PLA2G4A: variants seen among roughly 807,000 people sequenced by gnomAD.
PLA2G4A encodes cytosolic phospholipase A2.
A neutral mutation model predicts 81.9 loss-of-function variants in PLA2G4A; 40 were observed. The ratio of observed to expected loss-of-function variants is 0.49; its 90% CI spans 0.38 to 0.64. The LOEUF (loss-of-function observed/expected upper bound fraction) is 0.64. PLA2G4A is among the 30% of genes least tolerant of loss of function. The pLI is 0.00. For synonymous variants in PLA2G4A, 302 were observed against 296.9 expected (o/e 1.02, Z -0.18); for missense variants, 715 against 905.1 (o/e 0.79, Z 2.69).
chr1:186,870,515 G>A lies in PLA2G4A; in HGVS notation c.114G>A (p.Met38Ile). 3.1e-6 allele frequency: 5 copies of A among 1,601,708 alleles called. No homozygotes were observed. The highest frequency in any genetic ancestry group is 2.2e-5 in the East Asian group (1 of 44,800). Residue 38 changes from methionine to isoleucine, a missense_variant and splice_region_variant, in exon 3 of 18, where the codon ATG becomes ATA. Physicochemically the swap from Met to Ile is conservative, Grantham distance 10. Transcript: ENST00000367466. ...TGACAAAGGGGGCCTTTGGTGACAT[G>A]CGTAAGTGCCCTTTTTTTCTTTGCT... ...TKVTKGAFGD[M>I]LDTPDPYVEL...
In PLA2G4A at chr1:186,949,404, G is replaced by GA. The variant is rs10631853; in HGVS notation, c.1265-1251dup. Among the ~76,000 whole-genome samples, 10 of 147,152 alleles carry GA rather than the reference G, an allele frequency of 6.8e-5. 1 individual carries two copies. The highest frequency in any genetic ancestry group is 6.1e-4 in the East Asian group (3 of 4,918). ...GAAAGAAAGAAAAAAGAAAAAGAAA[G>GA]AAGAAAGAAAGAAAGGCAATAGAAA... On this transcript the variant is annotated intron_variant, in intron 12 of 17. Transcript: ENST00000367466.
chr1:186,850,245 A>G (rs1382284807), intron 1 of PLA2G4A, among the ~76,000 whole-genome samples: 1 of 152,140 alleles, frequency 6.6e-6, no homozygotes, highest in Admixed American at 6.6e-5. Flanking sequence ...TTGTATTGTG[A>G]TATGCAAAGG....
intron 15 of PLA2G4A, among the ~76,000 whole-genome samples, chr1:186,975,576 C>T (rs1385769223): frequency 6.6e-6 from 1 of 152,160 alleles, no homozygotes; most frequent in Non-Finnish European, 1.5e-5. Context: ...ATGGTATTAG[C>T]TTTATTTTAC....
At chr1:186,944,794 T>C (rs751723570) in intron 10 of PLA2G4A, among the ~76,000 whole-genome samples, 8 of 152,138 alleles carry the variant, frequency 5.3e-5, no homozygotes, top group Non-Finnish European at 1.2e-4. Context: ...TATTGTGTAT[T>C]ACCTAATACC....
chr1:186,984,098 C>T (rs1657815025), intron 17 of PLA2G4A, among the ~76,000 whole-genome samples: 1 of 152,066 alleles, frequency 6.6e-6, no homozygotes, highest in South Asian at 2.1e-4. Context: ...GATCACAATG[C>T]CTGACACCTA....
chr1:186,929,874 C>A (rs1655676677), intron 7 of PLA2G4A, among the ~76,000 whole-genome samples: 1 of 152,136 alleles, frequency 6.6e-6, no homozygotes, highest in Non-Finnish European at 1.5e-5. Flanking sequence ...CAAGCCTGGG[C>A]AACATGGTGA....
intron 3 of PLA2G4A, among the ~76,000 whole-genome samples, chr1:186,890,176 T>C (rs1654085305): frequency 1.3e-5 from 2 of 152,212 alleles, no homozygotes; most frequent in African/African-American, 4.8e-5. Context: ...AAAGCACCTG[T>C]TAAACGGGAA....
intron 16 of PLA2G4A, 30 bp from the exon 17 acceptor site, chr1:186,979,285 A>G: frequency 1.3e-6 from 2 of 1,570,482 alleles, no homozygotes; most frequent in South Asian, 2.2e-5. Flanking sequence ...TTTTCAAAAT[A>G]ACACCCTTTG....
At position 186,988,759 on chromosome 1, in the gene PLA2G4A, A is replaced by G; in HGVS notation, c.*251A>G. The G allele has an allele frequency of 3.5e-6, 1 of 284,826 alleles. No individual in the cohort carries two copies. Among genetic ancestry groups the G allele is most frequent in the Non-Finnish European group, 6.8e-6 (1 of 146,676 alleles). 17.6% of individuals were successfully genotyped at this position (284,826 alleles called of 1,614,324 possible). ...AACTTCCTGATACAAATGTAGGGAT[A>G]TATACTGTATTTTTAAACATTTCTC... On this transcript the variant is annotated 3_prime_UTR_variant, in exon 18 of 18. Coordinates refer to ENST00000367466, the MANE Select transcript of PLA2G4A (RefSeq NM_024420.3).
chr1:186,934,776 A>T (rs2102209025), intron 8 of PLA2G4A, among the ~76,000 whole-genome samples: 1 of 151,802 alleles, frequency 6.6e-6, no homozygotes, highest in Admixed American at 6.6e-5. Flanking sequence ...TCACACATTG[A>T]TTTGTGCTTC....
At chr1:186,911,421 CTTTAATAATAAT>C (rs1468876066) in intron 7 of PLA2G4A, 32 bp downstream of exon 7, 1 of 1,491,694 alleles carries the variant, frequency 6.7e-7, no homozygotes. Flanking sequence ...TGTTACTATA[CTTTAATAATAAT>C]TTAGCTTGGA....
intron 10 of PLA2G4A, among the ~76,000 whole-genome samples, chr1:186,940,976 A>G (rs758136676): frequency 2.0e-5 from 3 of 151,996 alleles, no homozygotes; most frequent in South Asian, 2.1e-4. Context: ...TGCTTCTTGG[A>G]TACTATAAAA....
intron 10 of PLA2G4A, among the ~76,000 whole-genome samples, chr1:186,940,733 TCAA>T (rs1029478523): frequency 2.0e-4 from 31 of 152,316 alleles, no homozygotes; most frequent in African/African-American, 7.5e-4. Context: ...ACAGTACATG[TCAA>T]CAACGTTACA....
chr1:186,887,164 G>A (rs917150471), intron 3 of PLA2G4A, among the ~76,000 whole-genome samples: 18 of 152,064 alleles, frequency 1.2e-4, no homozygotes, highest in Non-Finnish European at 2.4e-4. Flanking sequence ...ACACATTTGG[G>A]AGGACTTTCC....
intron 17 of PLA2G4A, among the ~76,000 whole-genome samples, chr1:186,984,577 T>G (rs1001305789): frequency 6.6e-6 from 1 of 152,236 alleles, no homozygotes; most frequent in African/African-American, 2.4e-5. Context: ...ACTCATTTCT[T>G]AATTCATTAA....
intron 2 of PLA2G4A, among the ~76,000 whole-genome samples, chr1:186,869,343 A>G (rs1324142145): frequency 6.6e-6 from 1 of 152,184 alleles, no homozygotes; most frequent in East Asian, 1.9e-4. Context: ...AAGTTGAATA[A>G]GCATTATTTT....
intron 3 of PLA2G4A, among the ~76,000 whole-genome samples, chr1:186,889,367 G>T (rs936362768): frequency 6.6e-6 from 1 of 152,170 alleles, no homozygotes; most frequent in Admixed American, 6.5e-5. Context: ...TGCAGACAAT[G>T]GGTCTTCGGG....
At chr1:186,929,377 A>G (rs1318834467) in intron 7 of PLA2G4A, among the ~76,000 whole-genome samples, 1 of 152,254 alleles carries the variant, frequency 6.6e-6, no homozygotes, top group Non-Finnish European at 1.5e-5. Flanking sequence ...GGCACATACA[A>G]TATGTTCTTG....
chr1:186,855,363 T>C (rs1208269335), intron 2 of PLA2G4A, among the ~76,000 whole-genome samples: 2 of 152,032 alleles, frequency 1.3e-5, no homozygotes, highest in Non-Finnish European at 2.9e-5. Flanking sequence ...TGGTTACTTC[T>C]CAGTTTTCTT....
Sources: gnomAD v4.1 joint callset for allele counts (sites outside exome capture counted in the v4.1 genomes callset) on GRCh38, gnomAD v4.1.1 for gene constraint, MANE v1.5 for transcripts, NCBI Gene and HGNC (gene_info 2026-07-23, HGNC 2026-07-21) for gene names.